Variants in BPIFB1 observed in about 807,000 individuals in gnomAD.
BPIFB1 encodes BPI fold containing family B member 1, also known as BPI fold-containing family B member 1.
Under a neutral mutation model 55.1 loss-of-function variants are expected in BPIFB1, and 34 were observed. The ratio of observed to expected loss-of-function variants is 0.62; its 90% CI spans 0.47 to 0.82. The LOEUF (loss-of-function observed/expected upper bound fraction) is 0.82. BPIFB1 is among the 40% of genes least tolerant of loss of function. The pLI, the probability that BPIFB1 is intolerant of heterozygous loss-of-function variation, is 0.00. For missense variants in BPIFB1, 532 were observed against 593.1 expected (o/e 0.90, Z 1.07); for synonymous variants, 236 against 245.3 (o/e 0.96, Z 0.35).
At chr20:33,303,708 TTCG>T (rs1268183031) in intron 11 of BPIFB1, among the ~76,000 whole-genome samples, 3 of 152,172 alleles carry the variant, frequency 2.0e-5, no homozygotes, top group Non-Finnish European at 4.4e-5. Context: ...AGTGGCTGCT[TTCG>T]TCGTCGTCAT....
chr20:33,301,233 G>A lies in BPIFB1; in HGVS notation c.748G>A (p.Ala250Thr). Residue 250 changes from alanine to threonine, a missense_variant and splice_region_variant, in exon 9 of 16, where the codon GCC (alanine) becomes ACC (threonine). Transcript: ENST00000253354. ...KGDTIQLYLG[A>T]KLLDSQGKVT... ...CTGACTCCCTGCTCTGTCTCCTCAG[G>A]CCAAGTTGTTGGACTCACAGGGAAA... 1 of 1,613,874 alleles carries A rather than the reference G, an allele frequency of 6.2e-7. No individual in the cohort carries two copies.
rs750378309 is a variant in BPIFB1 at position 33,302,308 on chromosome 20, G to A, written c.928-51G>A. The A allele has an allele frequency of 7.6e-6, 12 of 1,584,046 alleles. No individual in the cohort carries two copies. In the East Asian group the frequency reaches 2.2e-4, roughly 30 times the overall value. On this transcript the variant is annotated intron_variant, in intron 9 of 15. Coordinates refer to ENST00000253354, the MANE Select transcript of BPIFB1 (RefSeq NM_033197.3). ...CTCCCAGCAGTGGGGTGCAGGAGAT[G>A]TGCCTCCCTGTGCCCTCCAACTGAC...
Position 33,299,942 on chromosome 20 carries a change from G to A in BPIFB1, c.705G>A (p.Leu235=). ...TTGACCGTCTGGAGTTTGACCTTCT[G>A]TATCCTGCCATCAAGGGTGACACCA... ...LSIDRLEFDL[L]YPAIKGDTIQ... The change falls in exon 8 of 16, where the codon CTG becomes CTA. Residue 235 remains leucine (L), a synonymous_variant. Transcript: ENST00000253354. 2 of 1,614,122 alleles carry A rather than the reference G, an allele frequency of 1.2e-6. No homozygotes were observed. The highest frequency in any genetic ancestry group is 1.1e-5 in the South Asian group (1 of 91,074).
intron 2 of BPIFB1, 146 bp from the exon 3 acceptor site, chr20:33,288,595 T>G (rs1032946552): frequency 1.1e-6 from 1 of 899,538 alleles, no homozygotes; most frequent in Admixed American, 2.7e-5. Context: ...GGCAGGCTGG[T>G]CCTGACCTCC....
intron 3 of BPIFB1, 41 bp from the exon 4 acceptor site, chr20:33,289,844 A>G (rs1275757738): frequency 1.9e-6 from 3 of 1,552,452 alleles, no homozygotes; most frequent in Non-Finnish European, 2.7e-6. Context: ...GGGAATAATG[A>G]GCCGGAGGCA....
chr20:33,291,140 C>A (rs1479111837), intron 5 of BPIFB1, 34 bp downstream of exon 5: 3 of 1,603,532 alleles, frequency 1.9e-6, no homozygotes, highest in African/African-American at 2.7e-5. Flanking sequence ...GGGCTCCCAT[C>A]CTGCCTGGAA....
chr20:33,298,571 A>C (rs1372221858), intron 7 of BPIFB1: 1 of 153,224 alleles, frequency 6.5e-6, no homozygotes, highest in African/African-American at 2.4e-5. Context: ...GGCACATCTC[A>C]CTGACTCCTC....
Position 33,291,120 on chromosome 20 carries a change from G to A in BPIFB1, c.515+14G>A. 1 of 1,607,072 alleles carries A rather than the reference G, an allele frequency of 6.2e-7. No individual in the cohort carries two copies. Among genetic ancestry groups the A allele is most frequent in the Non-Finnish European group, 8.5e-7 (1 of 1,179,740 alleles). On this transcript the variant is annotated intron_variant, in intron 5 of 15. Coordinates refer to ENST00000253354, the MANE Select transcript of BPIFB1 (RefSeq NM_033197.3). ...ACTGCTGCATAAGTGAGTGTCGCTG[G>A]CCACCAGCCGGGCTCCCATCCTGCC...
intron 4 of BPIFB1, among the ~76,000 whole-genome samples, chr20:33,290,330 T>G (rs1980423644): frequency 6.6e-6 from 1 of 152,108 alleles, no homozygotes; most frequent in Non-Finnish European, 1.5e-5. Context: ...TTTCACATTT[T>G]TAAAGACTCC....
chr20:33,306,830 C>T, intron 14 of BPIFB1, 81 bp from the exon 15 acceptor site: 5 of 1,211,758 alleles, frequency 4.1e-6, no homozygotes, highest in Non-Finnish European at 6.1e-6. Context: ...CCGGGGCTCC[C>T]CTTCAGGAAC....
chr20:33,308,332 G>A (rs1981101769), intron 15 of BPIFB1, among the ~76,000 whole-genome samples: 1 of 152,146 alleles, frequency 6.6e-6, no homozygotes, highest in Non-Finnish European at 1.5e-5. Context: ...AAGTGCAAAG[G>A]CCCTGAGGCA....
chr20:33,286,174 A>G lies in BPIFB1; in HGVS notation c.101A>G (p.Lys34Arg). The G allele has an allele frequency of 1.2e-6, 2 of 1,614,088 alleles. No individual in the cohort carries two copies. Among genetic ancestry groups the G allele is most frequent in the Non-Finnish European group, 1.7e-6 (2 of 1,180,004 alleles). ...ACTGCAGTTCTCATCCTCGGCCCAA[A>G]AGTCATCAAAGAAAGTAAGTTTTGT... ...SPTAVLILGP[K>R]VIKEKLTQEL... Residue 34 changes from lysine to arginine, a missense_variant, in exon 2 of 16, where the codon AAA (lysine) becomes AGA (arginine). Lys to Arg is a conservative substitution (Grantham distance 26). Coordinates refer to ENST00000253354, the MANE Select transcript of BPIFB1 (RefSeq NM_033197.3).
At chr20:33,283,916 G>T (rs1980181526) in intron 1 of BPIFB1, among the ~76,000 whole-genome samples, 1 of 152,142 alleles carries the variant, frequency 6.6e-6, no homozygotes, top group African/African-American at 2.4e-5. Context: ...ACTGAGCAGT[G>T]TGTACAGATA....
At chr20:33,293,547 A>G (rs1980538870) in intron 6 of BPIFB1, among the ~76,000 whole-genome samples, 1 of 152,236 alleles carries the variant, frequency 6.6e-6, no homozygotes, top group African/African-American at 2.4e-5. Context: ...TATTTAAAAC[A>G]GTATTTTAGG....
chr20:33,298,339 G>A (rs1404705384), intron 7 of BPIFB1, among the ~76,000 whole-genome samples: 1 of 152,214 alleles, frequency 6.6e-6, no homozygotes, highest in Non-Finnish European at 1.5e-5. Context: ...CAGCATAGCA[G>A]ATACGGGAGG....
intron 1 of BPIFB1, among the ~76,000 whole-genome samples, chr20:33,283,855 C>G (rs146734347): frequency 6.6e-6 from 1 of 152,180 alleles, no homozygotes; most frequent in Non-Finnish European, 1.5e-5. Context: ...AGGAGGGAAA[C>G]AGGGATGCTA....
chr20:33,283,428 G>T (rs371377618), intron 1 of BPIFB1, among the ~76,000 whole-genome samples, 174 bp downstream of exon 1: 2 of 152,120 alleles, frequency 1.3e-5, no homozygotes, highest in Non-Finnish European at 2.9e-5. Context: ...CAGCTCCCTC[G>T]CCCAGAGGAC....
At chr20:33,307,118 G>A in intron 15 of BPIFB1, 131 bp downstream of exon 15, 2 of 735,844 alleles carry the variant, frequency 2.7e-6, no homozygotes, top group Non-Finnish European at 4.7e-6. Flanking sequence ...CCCCTCTCAG[G>A]GCCTCACCTC....
At chr20:33,283,584 C>G (rs1351600847) in intron 1 of BPIFB1, among the ~76,000 whole-genome samples, 1 of 152,136 alleles carries the variant, frequency 6.6e-6, no homozygotes, top group Non-Finnish European at 1.5e-5. Context: ...GACGCAGACT[C>G]TGTCCCTCAA....
Sources: gnomAD v4.1 joint callset for allele counts (sites outside exome capture counted in the v4.1 genomes callset) on GRCh38, gnomAD v4.1.1 for gene constraint, MANE v1.5 for transcripts, NCBI Gene and HGNC (gene_info 2026-07-23, HGNC 2026-07-21) for gene names.